Variants in FAT3 observed in about 807,000 individuals in gnomAD.
FAT3 encodes the protein FAT atypical cadherin 3.
In FAT3, 95 loss-of-function variants were observed where a neutral mutation model predicts 310.2. The observed-to-expected ratio is 0.31, with a 90% confidence interval of 0.26 to 0.36. The LOEUF is 0.36. Among genes scored for constraint, FAT3 ranks in the 10% least tolerant of loss-of-function variants. The probability of loss-of-function intolerance (pLI) is 1.00; values close to 1 mark genes in which losing one functional copy is unlikely to be tolerated. For missense variants in FAT3, 5,408 were observed against 5,715.6 expected, an observed-to-expected ratio of 0.95 and a Z score of 1.74; for synonymous variants, 2,314 against 2,192.9, an observed-to-expected ratio of 1.06 and a Z score of -1.54.
intron 1 of FAT3, among the ~76,000 whole-genome samples, chr11:92,238,489 TTTTG>T (rs772775231): frequency 3.9e-5 from 6 of 151,992 alleles, no homozygotes; most frequent in Non-Finnish European, 8.8e-5. Flanking sequence ...AGCAAGCAGG[TTTTG>T]TTTGTTTGTT....
chr11:92,628,910 T>TCACACA (rs969718712), intron 3 of FAT3, among the ~76,000 whole-genome samples: 1 of 151,656 alleles, frequency 6.6e-6, no homozygotes, highest in Non-Finnish European at 1.5e-5. Context: ...ACACACACAC[T>TCACACA]CACACACACA....
chr11:92,272,553 G>A (rs1288369235), intron 1 of FAT3, among the ~76,000 whole-genome samples: 2 of 152,008 alleles, frequency 1.3e-5, no homozygotes, highest in Non-Finnish European at 2.9e-5. Flanking sequence ...AGTTAGGCCA[G>A]TAGAAAGAAA....
intron 7 of FAT3, among the ~76,000 whole-genome samples, chr11:92,779,314 C>G (rs1398735924): frequency 6.6e-6 from 1 of 152,032 alleles, no homozygotes; most frequent in Non-Finnish European, 1.5e-5. Context: ...TACCGTTTAC[C>G]TTGGAAAGGA....
intron 2 of FAT3, among the ~76,000 whole-genome samples, chr11:92,406,885 C>A (rs1171554319): frequency 6.6e-6 from 1 of 152,094 alleles, no homozygotes; most frequent in Non-Finnish European, 1.5e-5. Flanking sequence ...AGGTTTCTAC[C>A]CTCTTCCTGG....
chr11:92,442,471 T>TATAA (rs760361214), intron 2 of FAT3, among the ~76,000 whole-genome samples: 2 of 151,720 alleles, frequency 1.3e-5, no homozygotes, highest in Non-Finnish European at 2.9e-5. Context: ...ATAATAAGTA[T>TATAA]ATAAATAAAT....
At chr11:92,722,863 G>A (rs977892621) in intron 4 of FAT3, among the ~76,000 whole-genome samples, 1 of 152,188 alleles carries the variant, frequency 6.6e-6, no homozygotes, top group African/African-American at 2.4e-5. Context: ...TGGCTAGGAT[G>A]CAAGACACCA....
At chr11:92,876,974 G>A (rs190527243) in intron 22 of FAT3, among the ~76,000 whole-genome samples, 11 of 152,326 alleles carry the variant, frequency 7.2e-5, no homozygotes, top group African/African-American at 2.4e-4. Flanking sequence ...TAGATATGGG[G>A]AAAGCCTTTT....
intron 13 of FAT3, among the ~76,000 whole-genome samples, chr11:92,824,365 G>T (rs1226948412): frequency 1.3e-5 from 2 of 151,584 alleles, no homozygotes; most frequent in African/African-American, 4.9e-5. Context: ...TCAAAAAAAA[G>T]AAAGAAAGAA....
chr11:92,275,749 C>G (rs1477145599), intron 1 of FAT3, among the ~76,000 whole-genome samples: 1 of 152,098 alleles, frequency 6.6e-6, no homozygotes, highest in Non-Finnish European at 1.5e-5. Context: ...AGAAATACCT[C>G]TAAATGTTCA....
intron 1 of FAT3, among the ~76,000 whole-genome samples, chr11:92,276,629 G>C (rs939333705): frequency 6.6e-5 from 10 of 152,092 alleles, no homozygotes; most frequent in African/African-American, 2.4e-4. Flanking sequence ...TCTTCGGTCT[G>C]GGTGCCTCAA....
intron 1 of FAT3, among the ~76,000 whole-genome samples, chr11:92,317,286 A>AT (rs1251980676): frequency 6.6e-6 from 1 of 152,102 alleles, no homozygotes; most frequent in African/African-American, 2.4e-5. Context: ...TATTTAGATT[A>AT]TTTTTTCTCC....
chr11:92,478,195 G>A (rs10501790), intron 2 of FAT3, among the ~76,000 whole-genome samples: 14,716 of 152,196 alleles, frequency 0.097, 897 homozygotes, highest in African/African-American at 0.18. Context: ...CAAAGAAACT[G>A]TCTTCAGCTG....
intron 13 of FAT3, 149 bp downstream of exon 13, chr11:92,810,225 C>A: frequency 1.4e-6 from 1 of 689,770 alleles, no homozygotes; most frequent in Non-Finnish European, 2.4e-6. Flanking sequence ...AGCTATTCAG[C>A]TAATACACTT....
chr11:92,529,657 T>A (rs1954000482), intron 3 of FAT3, among the ~76,000 whole-genome samples: 1 of 152,210 alleles, frequency 6.6e-6, no homozygotes, highest in African/African-American at 2.4e-5. Context: ...TTCTTTCTTT[T>A]GTGTCTGTAA....
chr11:92,616,997 G>A (rs1009812297), intron 3 of FAT3, among the ~76,000 whole-genome samples: 2 of 152,140 alleles, frequency 1.3e-5, no homozygotes, highest in East Asian at 1.9e-4. Context: ...GGCATTCTCT[G>A]TATTTCCTGA....
chr11:92,822,853 A>G (rs533618947), intron 13 of FAT3, among the ~76,000 whole-genome samples: 72 of 152,304 alleles, frequency 4.7e-4, no homozygotes, highest in Admixed American at 1.3e-4. Context: ...TGAACCATTT[A>G]TCCTTCTCTG....
chr11:92,792,564 G>A (rs932731884), intron 8 of FAT3, among the ~76,000 whole-genome samples: 1 of 152,114 alleles, frequency 6.6e-6, no homozygotes, highest in Admixed American at 6.6e-5. Context: ...AGCAGTAAAG[G>A]TGTTGTAAAC....
chr11:92,435,519 C>CTTCCTTCT (rs1409835256), intron 2 of FAT3, among the ~76,000 whole-genome samples: 1 of 142,912 alleles, frequency 7.0e-6, no homozygotes, highest in Non-Finnish European at 1.5e-5. Context: ...TCCTTCCTTC[C>CTTCCTTCT]TTTCTCTTTC....
At chr11:92,816,815 A>T (rs1474485609) in intron 13 of FAT3, among the ~76,000 whole-genome samples, 2 of 152,016 alleles carry the variant, frequency 1.3e-5, no homozygotes, top group East Asian at 3.9e-4. Flanking sequence ...ATCTCTACTA[A>T]AAATACAAAA....
Sources: allele counts gnomAD v4.1 joint callset (sites outside exome capture counted in the v4.1 genomes callset), GRCh38; gene constraint gnomAD v4.1.1; transcripts MANE v1.5; gene names NCBI Gene and HGNC (gene_info 2026-07-23, HGNC 2026-07-21).